BPIFB1: variants seen among roughly 807,000 people sequenced by gnomAD.
The protein encoded by BPIFB1 is BPI fold containing family B member 1, also known as BPI fold-containing family B member 1.
A neutral mutation model predicts 55.1 loss-of-function variants in BPIFB1; 34 were observed. That is an observed-to-expected ratio of 0.62 (90% CI 0.47 to 0.82). The LOEUF (loss-of-function observed/expected upper bound fraction) is 0.82, where lower values mean the gene tolerates loss of function less well. Ranked by LOEUF, BPIFB1 falls within the 40% of genes least tolerant of loss-of-function variation. The pLI is 0.00. For synonymous variants in BPIFB1, 236 were observed against 245.3 expected (o/e 0.96, Z 0.35); for missense variants, 532 against 593.1 (o/e 0.90, Z 1.07).
rs1028339651 is a variant in BPIFB1, at chr20:33,304,007, T to C, written c.1190T>C (p.Leu397Pro). 2 of 1,613,166 alleles carry C rather than the reference T, an allele frequency of 1.2e-6. No homozygotes were observed. The highest frequency in any genetic ancestry group is 1.7e-6 in the Non-Finnish European group (2 of 1,179,790). The change falls in exon 12 of 16, where the codon CTC (leucine) becomes CCC (proline). Residue 397 changes from leucine (L) to proline (P), a missense_variant. Leu to Pro is a moderately conservative substitution (Grantham distance 98). Transcript: ENST00000253354. ...TACACCAAAGGTGACCAACTTATAC[T>C]CAACTTGAATAACATCAGGTAAACA... is the stretch of plus-strand genomic sequence containing the variant. The part of the protein sequence containing the change: ...QFYTKGDQLI[L>P]NLNNISSDRI...
chr20:33,303,567 A>T (rs888904039), intron 11 of BPIFB1, among the ~76,000 whole-genome samples: 1 of 152,040 alleles, frequency 6.6e-6, no homozygotes, highest in Non-Finnish European at 1.5e-5. Flanking sequence ...CTCAGGGCTG[A>T]CTCTCACTGA....
In BPIFB1 at chr20:33,302,968, C is replaced by T; in HGVS notation, c.1034C>T (p.Thr345Ile). 1 of 1,614,160 alleles carries T rather than the reference C, an allele frequency of 6.2e-7. No individual in the cohort carries two copies. Among genetic ancestry groups the T allele is most frequent in the Non-Finnish European group, 8.5e-7 (1 of 1,180,008 alleles). ...TQIVKILTQDTPEFFIDQGHA... is the reference protein window; with the variant it reads ...TQIVKILTQDIPEFFIDQGHA... ...ATCGTGAAGATCCTAACTCAGGACA[C>T]TCCCGAGTTTTTTATAGACCAAGGC... The change falls in exon 11 of 16, where the codon ACT (threonine) becomes ATT (isoleucine). Residue 345 changes from threonine (T) to isoleucine (I), a missense_variant. Coordinates refer to ENST00000253354, the MANE Select transcript of BPIFB1 (RefSeq NM_033197.3).
chr20:33,292,044 G>A (rs1446170629), intron 6 of BPIFB1, 56 bp downstream of exon 6: 12 of 1,497,624 alleles, frequency 8.0e-6, no homozygotes, highest in Non-Finnish European at 9.3e-7. Flanking sequence ...TGTGGGGCTT[G>A]GGTGGAACTG....
In BPIFB1 at chr20:33,297,506, C is replaced by T; in HGVS notation, c.598-19C>T. The T allele has an allele frequency of 6.2e-7, 1 of 1,614,104 alleles. No homozygotes were observed. Among genetic ancestry groups the T allele is most frequent in the East Asian group, 2.2e-5 (1 of 44,884 alleles). Reference sequence around the variant, plus strand: ...TTCTGGCCCCTCCCTGATGGAGCCCCTTGCTTATGCTGTTGCAGCTGTGTC... The same window carrying T: ...TTCTGGCCCCTCCCTGATGGAGCCCTTTGCTTATGCTGTTGCAGCTGTGTC... On this transcript the variant is annotated intron_variant, in intron 6 of 15. Coordinates refer to ENST00000253354, the MANE Select transcript of BPIFB1 (RefSeq NM_033197.3).
chr20:33,304,944 C>G, intron 13 of BPIFB1, 53 bp downstream of exon 13: 2 of 1,588,374 alleles, frequency 1.3e-6, no homozygotes, highest in South Asian at 2.2e-5. Flanking sequence ...TGGAATGGTC[C>G]ACTCTCAAAA....
At chr20:33,296,233 G>A (rs559919291) in intron 6 of BPIFB1, among the ~76,000 whole-genome samples, 1 of 152,170 alleles carries the variant, frequency 6.6e-6, no homozygotes, top group South Asian at 2.1e-4. Flanking sequence ...AAAATGCAGA[G>A]GTTCCCCGGG....
chr20:33,284,603 C>T (rs940263148), intron 1 of BPIFB1, among the ~76,000 whole-genome samples: 2 of 152,160 alleles, frequency 1.3e-5, no homozygotes, highest in African/African-American at 4.8e-5. Flanking sequence ...ATCCGGATGC[C>T]ACATTTGTCT....
intron 15 of BPIFB1, 184 bp downstream of exon 15, chr20:33,307,171 C>CTGT: frequency 1.7e-6 from 1 of 593,570 alleles, no homozygotes; most frequent in South Asian, 2.1e-5. Context: ...AGGATGGAAC[C>CTGT]CTCCTAGCCT....
At chr20:33,307,402 G>C (rs1981067666) in intron 15 of BPIFB1, 1 of 166,874 alleles carries the variant, frequency 6.0e-6, no homozygotes, top group Non-Finnish European at 1.3e-5. Flanking sequence ...ATCAGGCTGA[G>C]TGGAGGAAGG....
Position 33,299,993 on chromosome 20 carries a change from C to G in BPIFB1, c.747+9C>G. The G allele has an allele frequency of 6.2e-7, 1 of 1,612,636 alleles. No homozygotes were observed. Among genetic ancestry groups the G allele is most frequent in the Non-Finnish European group, 8.5e-7 (1 of 1,178,594 alleles). ...TTCAGCTCTACCTGGGGGTGAGTGT[C>G]CCAGGACCTTGAGGGTGAAGTGGGG... On this transcript the variant is annotated intron_variant, in intron 8 of 15. Transcript: ENST00000253354.
intron 12 of BPIFB1, 46 bp downstream of exon 12, chr20:33,304,071 C>T: frequency 6.5e-7 from 1 of 1,549,078 alleles, no homozygotes; most frequent in Non-Finnish European, 8.8e-7. Flanking sequence ...GGAAATGAGT[C>T]CCGCCTGGTA....
In BPIFB1 at chr20:33,303,517, C is replaced by T. The variant is rs368021903; in HGVS notation, c.1141-441C>T. ...CATATCCTATCAGCTTGGCAATCAC[C>T]GCAGGAAGAACCTATCTTTCCAATA... is the stretch of plus-strand genomic sequence containing the variant. On this transcript the variant is annotated intron_variant, in intron 11 of 15. Coordinates refer to ENST00000253354, the MANE Select transcript of BPIFB1 (RefSeq NM_033197.3). Among the ~76,000 whole-genome samples, 72 of 152,252 alleles carry T rather than the reference C, an allele frequency of 4.7e-4. 1 individual carries two copies. The South Asian group carries it at 0.014, about 29-fold the overall frequency.
At chr20:33,293,268 G>GA (rs146730252) in intron 6 of BPIFB1, among the ~76,000 whole-genome samples, 8,306 of 151,796 alleles carry the variant, frequency 0.055, 775 homozygotes, top group African/African-American at 0.19. Flanking sequence ...AAAATTTGGG[G>GA]AAAAAAAATC....
chr20:33,299,644 G>A (rs1405440572), intron 7 of BPIFB1, among the ~76,000 whole-genome samples: 3 of 152,210 alleles, frequency 2.0e-5, no homozygotes, highest in Admixed American at 6.5e-5. Context: ...GTAAAAGGGG[G>A]TAATAATAAG....
At chr20:33,286,917 C>G (rs1030492284) in intron 2 of BPIFB1, among the ~76,000 whole-genome samples, 1 of 152,222 alleles carries the variant, frequency 6.6e-6, no homozygotes, top group Non-Finnish European at 1.5e-5. Flanking sequence ...AAAGTCTCAT[C>G]CCCTTAGAGG....
intron 7 of BPIFB1, chr20:33,299,200 G>A (rs772734327): frequency 2.0e-5 from 9 of 456,498 alleles, no homozygotes; most frequent in South Asian, 1.2e-4. Flanking sequence ...GCTGCCCCGA[G>A]GACGGGCCCG....
intron 5 of BPIFB1, among the ~76,000 whole-genome samples, chr20:33,291,385 C>G (rs941475494): frequency 6.6e-5 from 10 of 152,186 alleles, no homozygotes; most frequent in African/African-American, 2.4e-4. Flanking sequence ...CTCCAAACAC[C>G]AGGGCAGGTG....
At chr20:33,304,540 A>C (rs1980957110) in intron 12 of BPIFB1, among the ~76,000 whole-genome samples, 1 of 152,040 alleles carries the variant, frequency 6.6e-6, no homozygotes, top group Non-Finnish European at 1.5e-5. Context: ...ATAGCAACAA[A>C]CTGTCGAGCC....
rs777796475 is a variant in BPIFB1 at position 33,289,992 on chromosome 20, C to G, written c.365C>G (p.Thr122Arg). ...IPLDMVAGFN[T>R]PLVKTIVEFH... ...CTGGACATGGTGGCTGGATTCAACA[C>G]GTGAGTGACCCCTCCATCAAGTACA... Residue 122 changes from threonine to arginine, a missense_variant and splice_region_variant, in exon 4 of 16, where the codon ACG becomes AGG. By Grantham distance (71) the Thr-to-Arg change is moderately conservative (BLOSUM62 -1). Transcript: ENST00000253354. 1 of 1,612,048 alleles carries G rather than the reference C, an allele frequency of 6.2e-7. No individual in the cohort carries two copies. Among genetic ancestry groups the G allele is most frequent in the South Asian group, 1.1e-5 (1 of 91,032 alleles).
Sources: gnomAD v4.1 joint callset for allele counts (sites outside exome capture counted in the v4.1 genomes callset) on GRCh38, gnomAD v4.1.1 for gene constraint, MANE v1.5 for transcripts, NCBI Gene and HGNC (gene_info 2026-07-23, HGNC 2026-07-21) for gene names.